The following ANO7 variants were observed in gnomAD, a reference collection of about 807,000 sequenced individuals.
ANO7 encodes the protein anoctamin-7.
A neutral mutation model predicts 115.8 loss-of-function variants in ANO7; 114 were observed. The observed-to-expected ratio is 0.98, with a 90% CI of 0.85 to 1.15. ANO7 has a LOEUF of 1.15. ANO7 is among the 50% of genes most tolerant of loss of function. The probability of loss-of-function intolerance (pLI) is 0.00; values close to 1 mark genes in which losing one functional copy is unlikely to be tolerated. For synonymous variants in ANO7, 550 were observed against 498.2 expected, an observed-to-expected ratio of 1.10 and a Z score of -1.38; for missense variants, 1,302 against 1,201.2, an observed-to-expected ratio of 1.08 and a Z score of -1.24.
chr2:241,233,458 C>G, the ANO7 span, among the ~76,000 whole-genome samples: 1 of 152,130 alleles, frequency 6.6e-6, no homozygotes, highest in East Asian at 1.9e-4. This position sits in a 1 kb window ranked among gnomAD's most constrained non-coding sequence, Gnocchi z 4.3. Context: ...CCCCAAGAGG[C>G]CCAGGTGACA....
At chr2:241,195,879 C>A in intron 4 of ANO7, 34 bp downstream of exon 4, 1 of 1,614,160 alleles carries the variant, frequency 6.2e-7, no homozygotes, top group Admixed American at 1.7e-5. Context: ...GGGCCCTAGG[C>A]CCTGCATCCA....
Position 241,209,644 on chromosome 2 carries a change from T to C in ANO7, c.1359+9T>C. 6.5e-7 allele frequency: 1 copy of C among 1,536,008 alleles called. No individual in the cohort carries two copies. Among genetic ancestry groups the C allele is most frequent in the Non-Finnish European group, 8.7e-7 (1 of 1,144,224 alleles). On this transcript the variant is annotated intron_variant, in intron 13 of 24. Coordinates refer to ENST00000674324, the MANE Select transcript of ANO7 (RefSeq NM_001370694.2). ...TGGTGATCGTGGTGATGGTATGCGG[T>C]CCCCCTGCCCTCCGCTCACGCCTCC...
chr2:241,220,463 G>A (rs543507789), intron 21 of ANO7, among the ~76,000 whole-genome samples: 3 of 151,662 alleles, frequency 2.0e-5, no homozygotes, highest in Admixed American at 1.3e-4. Context: ...TTGGGAGGCC[G>A]AGGCAGGTGG....
At chr2:241,217,550 A>C (rs2068861539) in intron 19 of ANO7, 136 bp from the exon 20 acceptor site, 2 of 1,013,738 alleles carry the variant, frequency 2.0e-6, no homozygotes, top group Non-Finnish European at 2.9e-6. Flanking sequence ...GACGAGGGAG[A>C]CCAGGAGGTG....
In ANO7 at chr2:241,203,633, A is replaced by G. The variant is rs994143278; in HGVS notation, c.889+135A>G. On this transcript the variant is annotated intron_variant, in intron 9 of 24. Transcript: ENST00000674324. The surrounding 1 kb of genome is among the most constrained non-coding windows in gnomAD (Gnocchi z 4.8). ...GACGGTGGGCGCAGCTCTTGGCTCG[A>G]CCGGGCTGCCCTCCTGGCTCCCCTC... 4.8e-6 allele frequency: 3 copies of G among 619,458 alleles called. No homozygotes were observed. Among genetic ancestry groups the G allele is most frequent in the Non-Finnish European group, 7.8e-6 (3 of 382,724 alleles). 38.4% of individuals were successfully genotyped at this position (619,458 alleles called of 1,614,324 possible).
intron 3 of ANO7, among the ~76,000 whole-genome samples, chr2:241,192,349 C>T (rs1007121445): frequency 6.6e-6 from 1 of 152,128 alleles, no homozygotes; most frequent in Non-Finnish European, 1.5e-5. Context: ...AGTACCACGG[C>T]CTGCGGGGCT....
chr2:241,198,856 A>G (rs1366687439), intron 4 of ANO7, among the ~76,000 whole-genome samples: 2 of 152,244 alleles, frequency 1.3e-5, no homozygotes, highest in Non-Finnish European at 2.9e-5. Context: ...GTGCTCACCT[A>G]TATGTACACA....
At chr2:241,195,639 C>T in intron 3 of ANO7, 64 bp from the exon 4 acceptor site, 2 of 1,529,362 alleles carry the variant, frequency 1.3e-6, no homozygotes, top group Admixed American at 1.8e-5. Flanking sequence ...ATGCTGGCAT[C>T]CCTTCCCTGG....
Position 241,224,371 on chromosome 2 carries a change from G to C in ANO7, c.*218G>C. On this transcript the variant is annotated 3_prime_UTR_variant, in exon 25 of 25. Transcript: ENST00000674324. ...GCAGGGAGGGACCGTCAGCTCACAAGGCCCTCTTTGTTTCCTGCTCCCAGA... is the reference window on the plus strand; with the variant it reads ...GCAGGGAGGGACCGTCAGCTCACAACGCCCTCTTTGTTTCCTGCTCCCAGA... The C allele has an allele frequency of 1.7e-6, 1 of 588,574 alleles. No homozygotes were observed. The highest frequency in any genetic ancestry group is 2.1e-5 in the South Asian group (1 of 48,758). The allele number at this position is 588,574 out of a possible 1,614,324, so 36.5% of individuals were successfully genotyped here.
At chr2:241,229,544 C>T, downstream of ANO7, 1 of 1,286,372 alleles carries the variant, frequency 7.8e-7, no homozygotes, top group Non-Finnish European at 1.1e-6. Context: ...TGAGACAAAC[C>T]ATTGTGTGGT....
chr2:241,199,832 C>T (rs1469912697), intron 5 of ANO7, among the ~76,000 whole-genome samples: 1 of 152,170 alleles, frequency 6.6e-6, no homozygotes, highest in East Asian at 1.9e-4. Flanking sequence ...GTGGGAGACA[C>T]GCTACTTACC....
At chr2:241,230,246 G>A (rs765201762), downstream of ANO7, 102 of 1,596,474 alleles carry the variant, frequency 6.4e-5, 1 homozygote, top group Admixed American at 7.3e-4. The surrounding 1 kb of genome is among the most constrained non-coding windows in gnomAD (Gnocchi z 5.0). Flanking sequence ...CTGGGGCTCC[G>A]CTCTGTGGGA....
At chr2:241,213,121 G>A (rs1348327322) in intron 17 of ANO7, among the ~76,000 whole-genome samples, 2 of 151,824 alleles carry the variant, frequency 1.3e-5, no homozygotes, top group African/African-American at 4.9e-5. Flanking sequence ...GCCCGCAGAG[G>A]CTGGCCTCCT....
chr2:241,209,334 T>C lies in ANO7; in HGVS notation c.1127T>C (p.Met376Thr), dbSNP rs2068665275. 6 of 1,575,762 alleles carry C rather than the reference T, an allele frequency of 3.8e-6. No individual in the cohort carries two copies. The highest frequency in any genetic ancestry group is 1.8e-5 in the Admixed American group (1 of 54,386). ...HGGTVFFSLF[M>T]ALWAVLLLEY... ...GGCACCGTGTTCTTCAGCTTGTTCA[T>C]GGCACTGTGGGCCGTGCTGCTGCTG... is the stretch of plus-strand genomic sequence containing the variant. Residue 376 changes from methionine to threonine, a missense_variant, in exon 12 of 25, where the codon ATG becomes ACG. Physicochemically the swap from Met to Thr is moderately conservative, Grantham distance 81. Transcript: ENST00000674324.
rs753117536 is a variant in ANO7 at position 241,223,367 on chromosome 2, G to A, written c.2412+91G>A. The A allele has an allele frequency of 1.5e-5, 21 of 1,385,834 alleles. No individual in the cohort carries two copies. In the Admixed American group the frequency reaches 3.4e-4, roughly 22 times the overall value. The allele number at this position is 1,385,834 out of a possible 1,614,324, so 85.8% of individuals were successfully genotyped here. A position where few individuals can be genotyped will look rare whatever the true frequency, so the allele number is the denominator to read the frequency against. On this transcript the variant is annotated intron_variant, in intron 22 of 24. Coordinates refer to ENST00000674324, the MANE Select transcript of ANO7 (RefSeq NM_001370694.2). ...TTCGAGCACGTGGTGAGGGGTCGGT[G>A]CCGTCACTTCCTGCTGTGTCATCTT...
downstream of ANO7, chr2:241,229,784 G>GGCCCC: frequency 1.1e-5 from 17 of 1,502,494 alleles, no homozygotes; most frequent in Middle Eastern, 1.8e-4. Flanking sequence ...AAGCCCGCCT[G>GGCCCC]CCCGCCCACC....
chr2:241,222,744 T>C (rs1391340906), intron 21 of ANO7, among the ~76,000 whole-genome samples: 1 of 152,110 alleles, frequency 6.6e-6, no homozygotes, highest in Non-Finnish European at 1.5e-5. Flanking sequence ...AAGCTGAATG[T>C]AGCTTATGAT....
chr2:241,204,433 T>C (rs922614180), intron 9 of ANO7, among the ~76,000 whole-genome samples: 1 of 19,324 alleles, frequency 5.2e-5, no homozygotes, highest in African/African-American at 2.1e-4. Flanking sequence ...GGGTGGGGGT[T>C]GGGTGGTGGG....
downstream of ANO7, chr2:241,228,390 C>T (rs1327316424): frequency 6.6e-6 from 1 of 152,368 alleles, no homozygotes; most frequent in African/African-American, 2.4e-5. Flanking sequence ...ATGCTCTAGG[C>T]CCCATGCCAT....
Sources: allele counts gnomAD v4.1 joint callset (sites outside exome capture counted in the v4.1 genomes callset), GRCh38; gene constraint gnomAD v4.1.1; non-coding constraint Gnocchi (gnomAD v3.1); transcripts MANE v1.5; gene names NCBI Gene and HGNC (gene_info 2026-07-23, HGNC 2026-07-21).